The following PNPLA6 variants were observed in gnomAD, a reference collection of about 807,000 sequenced individuals.
The protein encoded by PNPLA6 is patatin-like phospholipase domain-containing protein 6.
In PNPLA6, 105 loss-of-function variants were observed where a neutral mutation model predicts 153.7. The observed-to-expected ratio is 0.68, with a 90% CI of 0.58 to 0.80. The LOEUF (loss-of-function observed/expected upper bound fraction) is 0.80, where lower values mean the gene tolerates loss of function less well. Ranked by LOEUF, PNPLA6 falls within the 30% of genes least tolerant of loss-of-function variation. PNPLA6 has a pLI of 0.00. For synonymous variants in PNPLA6, 825 were observed against 822.2 expected (o/e 1.00, Z -0.06); for missense variants, 1,423 against 1,919.3 (o/e 0.74, Z 4.83).
chr19:7,534,177 C>T (rs1265176616), upstream of PNPLA6: 5 of 370,278 alleles, frequency 1.4e-5, no homozygotes, highest in Non-Finnish European at 2.5e-5. Flanking sequence ...GGGGCCGTGC[C>T]TGCGGAGCCG....
chr19:7,554,387 A>G, intron 20 of PNPLA6, 115 bp downstream of exon 20: 2 of 1,233,402 alleles, frequency 1.6e-6, no homozygotes, highest in South Asian at 2.4e-5. Flanking sequence ...TCTTACCCAT[A>G]GGTCAATGGG....
At position 7,535,948 on chromosome 19, in the gene PNPLA6, A is replaced by C. The variant is rs1380428189; in HGVS notation, c.160A>C (p.Ile54Leu). ...CGTCCCTCAGGTGCTTGGCGTGATG[A>C]TCGGGGCCGGAGTGGCGGTGGTGGT... ...PFVPQVLGVM[I>L]GAGVAVVVTA... The change falls in exon 1 of 32, where the codon ATC becomes CTC. Residue 54 changes from isoleucine to leucine, a missense_variant. By Grantham distance (5) the Ile-to-Leu change is conservative (BLOSUM62 2). This residue lies in a region of PNPLA6 where 109 missense variants were observed against 109.4 expected (regional missense o/e 1.00). Transcript: ENST00000600737. The surrounding 1 kb of genome is among the most constrained non-coding windows in gnomAD (Gnocchi z 5.0). The C allele has an allele frequency of 1.3e-6, 2 of 1,587,736 alleles. No individual in the cohort carries two copies. The highest frequency in any genetic ancestry group is 4.5e-5 in the East Asian group (2 of 43,988).
chr19:7,555,177 C>T lies in PNPLA6; in HGVS notation c.2818-72C>T. 6.5e-7 allele frequency: 1 copy of T among 1,528,090 alleles called. No individual in the cohort carries two copies. The highest frequency in any genetic ancestry group is 1.9e-5 in the Admixed American group (1 of 52,894). The allele number at this position is 1,528,090 out of a possible 1,614,324, so 94.7% of individuals were successfully genotyped here. On this transcript the variant is annotated intron_variant, in intron 22 of 31. Transcript: ENST00000600737. The surrounding 1 kb of genome is among the most constrained non-coding windows in gnomAD (Gnocchi z 6.3). Reference sequence around the variant, plus strand: ...GAGGGCTGAGGACAGGCTCGAAGGTCAGGGTACCCCTGGGGGATCCGCCGG... The same window carrying T: ...GAGGGCTGAGGACAGGCTCGAAGGTTAGGGTACCCCTGGGGGATCCGCCGG...
chr19:7,557,668 C>T, intron 27 of PNPLA6: 1 of 351,472 alleles, frequency 2.8e-6, no homozygotes, highest in South Asian at 2.2e-5. Flanking sequence ...CCTGTAATCC[C>T]AGCTACTCAG....
rs756861161 is a variant in PNPLA6, at chr19:7,556,637, C to T, written c.3211-18C>T. The T allele has an allele frequency of 1.1e-5, 17 of 1,609,734 alleles. No homozygotes were observed. The highest frequency in any genetic ancestry group is 1.3e-5 in the Non-Finnish European group (15 of 1,176,148). ...GGAGCCCCCTGCTCCTCCCCCACCT[C>T]GATCCCTGTCCCCGCAGGACCTGTG... is the stretch of plus-strand genomic sequence containing the variant. On this transcript the variant is annotated intron_variant, in intron 25 of 31. Coordinates refer to ENST00000600737, the MANE Select transcript of PNPLA6 (RefSeq NM_001166114.2).
rs754195561 is a variant in PNPLA6 at position 7,561,073 on chromosome 19, G to GC, written c.3882dup (p.Thr1295HisfsTer6). ...TGGCAGAGATTGTGTCCCGGATTGAGCCCCCCACGAGCTATGTCTCTGATG... is the reference window on the plus strand; with the variant it reads ...TGGCAGAGATTGTGTCCCGGATTGAGCCCCCCCACGAGCTATGTCTCTGATG... On this transcript the variant is annotated frameshift_variant, in exon 30 of 32. Coordinates refer to ENST00000600737, the MANE Select transcript of PNPLA6 (RefSeq NM_001166114.2). LOFTEE classifies it high-confidence loss of function. The GC allele has an allele frequency of 5.6e-6, 9 of 1,613,138 alleles. No homozygotes were observed. Among genetic ancestry groups the GC allele is most frequent in the Non-Finnish European group, 7.6e-6 (9 of 1,179,722 alleles).
In PNPLA6 at chr19:7,559,026, C is replaced by T; in HGVS notation, c.3574C>T (p.Arg1192Cys). ...TCCAGACATGGCTGAAATCCAGTCC[C>T]GCCTGGCCTACGTGTCCTGTGTGCG... ...KVPDMAEIQSRLAYVSCVRQL... is the reference protein window; with the variant it reads ...KVPDMAEIQSCLAYVSCVRQL... Residue 1192 changes from arginine to cysteine, a missense_variant, in exon 28 of 32, where the codon CGC becomes TGC. This residue lies in a region of PNPLA6 where 643 missense variants were observed against 835.2 expected (regional missense o/e 0.77). Transcript: ENST00000600737. The T allele has an allele frequency of 1.9e-6, 3 of 1,614,198 alleles. No homozygotes were observed. Among genetic ancestry groups the T allele is most frequent in the Non-Finnish European group, 2.5e-6 (3 of 1,180,026 alleles).
At chr19:7,551,567 T>G in intron 18 of PNPLA6, 130 bp downstream of exon 18, 1 of 797,228 alleles carries the variant, frequency 1.3e-6, no homozygotes, top group East Asian at 2.7e-5. Flanking sequence ...CCCCTGAGGG[T>G]TTCAAACCCT....
chr19:7,551,060 A>C lies in PNPLA6; in HGVS notation c.2137A>C (p.Lys713Gln). ...VHAVRDTELA[K>Q]LPEGTLGHIK... ...CGCGGTGCGCGACACGGAGCTGGCC[A>C]AGCTTCCCGAGGGCACCTTGGGTCA... Residue 713 changes from lysine (K) to glutamine (Q), a missense_variant, in exon 17 of 32, where the codon AAG (lysine) becomes CAG (glutamine). By Grantham distance (53) the Lys-to-Gln change is moderately conservative. Coordinates refer to ENST00000600737, the MANE Select transcript of PNPLA6 (RefSeq NM_001166114.2). 1 of 1,549,906 alleles carries C rather than the reference A, an allele frequency of 6.5e-7. No homozygotes were observed. Among genetic ancestry groups the C allele is most frequent in the Non-Finnish European group, 8.7e-7 (1 of 1,146,926 alleles).
At position 7,557,159 on chromosome 19, in the gene PNPLA6, A is replaced by G; in HGVS notation, c.3281-9A>G. 1 of 1,598,094 alleles carries G rather than the reference A, an allele frequency of 6.3e-7. No homozygotes were observed. Among genetic ancestry groups the G allele is most frequent in the Non-Finnish European group, 8.6e-7 (1 of 1,169,436 alleles). On this transcript the variant is annotated splice_polypyrimidine_tract_variant and intron_variant, in intron 26 of 31. Transcript: ENST00000600737. ...GTGCGTGTTTGTGTCTGTGTGTCCC[A>G]CCGCGCAGGCTCCCTGTGGCGGTAC...
At position 7,549,894 on chromosome 19, in the gene PNPLA6, C is replaced by G; in HGVS notation, c.1609-13C>G. 1 of 1,612,684 alleles carries G rather than the reference C, an allele frequency of 6.2e-7. No individual in the cohort carries two copies. The highest frequency in any genetic ancestry group is 8.5e-7 in the Non-Finnish European group (1 of 1,179,550). ...TCCGGGTTCTGTGTTCATCACATCC[C>G]CTGCCCGCACAGGACGTGAGCCTGC... On this transcript the variant is annotated splice_polypyrimidine_tract_variant and intron_variant, in intron 13 of 31. Coordinates refer to ENST00000600737, the MANE Select transcript of PNPLA6 (RefSeq NM_001166114.2).
At position 7,541,201 on chromosome 19, in the gene PNPLA6, C is replaced by A; in HGVS notation, c.924+150C>A. 2 of 1,115,882 alleles carry A rather than the reference C, an allele frequency of 1.8e-6. No homozygotes were observed. The highest frequency in any genetic ancestry group is 1.3e-6 in the Non-Finnish European group (1 of 757,580). 69.1% of individuals were successfully genotyped at this position (1,115,882 alleles called of 1,614,324 possible). On this transcript the variant is annotated intron_variant, in intron 7 of 31. Transcript: ENST00000600737. This position sits in a 1 kb window ranked among gnomAD's most constrained non-coding sequence, Gnocchi z 5.2. Reference sequence around the variant, plus strand: ...GCAGCCAGATGTCTGCAGCCGCGGACTCCTCCCTTAGCTGCCTCGCCCCAT... The same window carrying A: ...GCAGCCAGATGTCTGCAGCCGCGGAATCCTCCCTTAGCTGCCTCGCCCCAT...
upstream of PNPLA6, chr19:7,535,355 G>T: frequency 1.5e-6 from 1 of 676,726 alleles, no homozygotes; most frequent in Non-Finnish European, 2.7e-6. This position sits in a 1 kb window ranked among gnomAD's most constrained non-coding sequence, Gnocchi z 5.0. Flanking sequence ...CCTTAGTCCC[G>T]CAGCGCCCCT....
rs1032668743 is a variant in PNPLA6, at chr19:7,542,042, C to G, written c.1227C>G (p.Cys409Trp). ...CCTCGGCCCCTCTGCTGAGCCGCTG[C>G]GTCTCCATGCCAGGGGACATCTCAG... ...ETPSAPLLSR[C>W]VSMPGDISGL... Residue 409 changes from cysteine to tryptophan, a missense_variant, in exon 10 of 32, where the codon TGC becomes TGG. Physicochemically the swap from Cys to Trp is radical, Grantham distance 215 (BLOSUM62 -2). Around this residue, in one of 10 missense-constraint regions of PNPLA6, gnomAD observed 267 missense variants for 255.1 expected, o/e 1.05. Coordinates refer to ENST00000600737, the MANE Select transcript of PNPLA6 (RefSeq NM_001166114.2). The G allele has an allele frequency of 3.7e-6, 6 of 1,607,058 alleles. No individual in the cohort carries two copies. Among genetic ancestry groups the G allele is most frequent in the Non-Finnish European group, 4.2e-6 (5 of 1,179,880 alleles).
intron 19 of PNPLA6, 79 bp downstream of exon 19, chr19:7,554,094 T>C (rs1240130698): frequency 6.3e-7 from 1 of 1,596,916 alleles, no homozygotes; most frequent in African/African-American, 1.3e-5. Flanking sequence ...GGTAGGTCAT[T>C]TGGGGGGTGG....
At position 7,541,089 on chromosome 19, in the gene PNPLA6, C is replaced by T. The variant is rs1343829331; in HGVS notation, c.924+38C>T. On this transcript the variant is annotated intron_variant, in intron 7 of 31. Coordinates refer to ENST00000600737, the MANE Select transcript of PNPLA6 (RefSeq NM_001166114.2). The surrounding 1 kb of genome is among the most constrained non-coding windows in gnomAD (Gnocchi z 5.2). ...TCGCCTCCTGTCACCCCCTGAGGGA[C>T]CCCACCCTGGCCCCCACCCATTCCA... 8.2e-6 allele frequency: 13 copies of T among 1,594,312 alleles called. No individual in the cohort carries two copies. Among genetic ancestry groups the T allele is most frequent in the Non-Finnish European group, 1.1e-5 (13 of 1,171,142 alleles).
intron 17 of PNPLA6, 123 bp downstream of exon 17, chr19:7,551,230 AGT>A: frequency 1.8e-6 from 1 of 554,652 alleles, no homozygotes; most frequent in Non-Finnish European, 3.0e-6. Context: ...GAAGCGAGAG[AGT>A]GAGGGCGGGG....
intron 13 of PNPLA6, among the ~76,000 whole-genome samples, chr19:7,546,193 G>A (rs1239268878): frequency 6.6e-6 from 1 of 152,108 alleles, no homozygotes; most frequent in East Asian, 1.9e-4. Flanking sequence ...TTGTGCAAAT[G>A]TTGTGTGGTG....
intron 3 of PNPLA6, among the ~76,000 whole-genome samples, chr19:7,539,474 T>C (rs1266066598): frequency 7.0e-6 from 1 of 142,288 alleles, no homozygotes; most frequent in Non-Finnish European, 1.5e-5. Context: ...GCGAGACTCC[T>C]GAGGCAGGGC....
Sources: allele counts gnomAD v4.1 joint callset (sites outside exome capture counted in the v4.1 genomes callset), GRCh38; gene constraint gnomAD v4.1.1; regional missense constraint gnomAD v4.1.1; non-coding constraint Gnocchi (gnomAD v3.1); transcripts MANE v1.5; gene names NCBI Gene and HGNC (gene_info 2026-07-23, HGNC 2026-07-21).